AGTPBP1: variants seen among roughly 807,000 people sequenced by gnomAD.
AGTPBP1 encodes the protein ATP/GTP binding carboxypeptidase 1, also known as cytosolic carboxypeptidase 1.
In AGTPBP1, 70 loss-of-function variants were observed where a neutral mutation model predicts 143.9. The observed-to-expected ratio is 0.49, with a 90% CI of 0.40 to 0.59. The LOEUF is 0.59. AGTPBP1 is among the 20% of genes least tolerant of loss of function. AGTPBP1 has a pLI of 0.00. For missense variants in AGTPBP1, 1,229 were observed against 1,464.5 expected, an observed-to-expected ratio of 0.84 and a Z score of 2.62; for synonymous variants, 463 against 500.2, an observed-to-expected ratio of 0.93 and a Z score of 0.99.
intron 25 of AGTPBP1, 53 bp downstream of exon 25, chr9:85,575,262 G>A: frequency 7.3e-7 from 1 of 1,363,824 alleles, no homozygotes; most frequent in Non-Finnish European, 9.7e-7. Flanking sequence ...CTATTTTAAT[G>A]AAGTCTAATA....
At chr9:85,697,852 C>T (rs1320364840) in intron 2 of AGTPBP1, among the ~76,000 whole-genome samples, 2 of 152,086 alleles carry the variant, frequency 1.3e-5, no homozygotes, top group South Asian at 4.1e-4. Context: ...GTTCTAAAGC[C>T]AAAAAGTTTG....
chr9:85,777,660 A>C, the AGTPBP1 span, among the ~76,000 whole-genome samples: 1 of 152,208 alleles, frequency 6.6e-6, no homozygotes, highest in East Asian at 1.9e-4. Context: ...TGGGATACAA[A>C]TATCTTCACA....
At chr9:85,722,045 A>AC (rs1211091360) in intron 1 of AGTPBP1, among the ~76,000 whole-genome samples, 1 of 152,150 alleles carries the variant, frequency 6.6e-6, no homozygotes, top group Non-Finnish European at 1.5e-5. Context: ...ATCCACTGTT[A>AC]GTCTGATGGG....
chr9:85,715,871 T>A (rs1346482036), intron 1 of AGTPBP1, among the ~76,000 whole-genome samples: 2 of 152,164 alleles, frequency 1.3e-5, no homozygotes, highest in African/African-American at 4.8e-5. Context: ...TGAGAATGTA[T>A]GAAAAAAAGT....
intron 24 of AGTPBP1, among the ~76,000 whole-genome samples, chr9:85,576,197 A>G (rs866491826): frequency 6.6e-6 from 1 of 152,316 alleles, no homozygotes; most frequent in Middle Eastern, 3.4e-3. Flanking sequence ...ACAAATTAAT[A>G]TACTCCTTCT....
chr9:85,647,424 G>A (rs574310380), intron 11 of AGTPBP1, among the ~76,000 whole-genome samples: 1 of 152,116 alleles, frequency 6.6e-6, no homozygotes, highest in Non-Finnish European at 1.5e-5. Context: ...GAGCAGAAAG[G>A]AGTAAACATG....
the AGTPBP1 span, among the ~76,000 whole-genome samples, chr9:85,805,142 A>G: frequency 2.0e-5 from 3 of 152,082 alleles, no homozygotes. Flanking sequence ...CCCTTTCTCC[A>G]GCAGGTGGTT....
chr9:85,722,758 G>GT (rs1489897623), intron 1 of AGTPBP1, among the ~76,000 whole-genome samples: 1 of 152,082 alleles, frequency 6.6e-6, no homozygotes, highest in Non-Finnish European at 1.5e-5. Flanking sequence ...AGGTGCTCTG[G>GT]TTTTTTGAAC....
At chr9:85,773,605 T>C in the AGTPBP1 span, among the ~76,000 whole-genome samples, 4 of 151,896 alleles carry the variant, frequency 2.6e-5, no homozygotes, top group African/African-American at 7.3e-5. Flanking sequence ...CCCAAACTGC[T>C]AGGACTACAG....
At chr9:85,781,199 T>A in the AGTPBP1 span, 1 of 1,486,044 alleles carries the variant, frequency 6.7e-7, no homozygotes, top group South Asian at 1.4e-5. Context: ...TTTTGTTGTA[T>A]AGAACAAGAT....
rs371786259 is a variant in AGTPBP1, at chr9:85,598,234, G to T, written c.2336-1785C>A. 1.1e-4 allele frequency among the ~76,000 whole-genome samples: 16 copies of T among 151,354 alleles called. No homozygotes were observed. In the South Asian group the frequency reaches 3.3e-3, roughly 32 times the overall value. ...CTTTATCATGTTATATCATTTCTTA[G>T]AATCCAGTCCACTTTTTTTAAAGTG... On this transcript the variant is annotated intron_variant, in intron 17 of 25. Transcript: ENST00000357081.
rs908256294 is a variant in AGTPBP1, at chr9:85,548,583, T to C, written c.3504-1297A>G. Among the ~76,000 whole-genome samples, 4 of 152,118 alleles carry C rather than the reference T, an allele frequency of 2.6e-5. No individual in the cohort carries two copies. The East Asian group carries it at 5.8e-4, about 22-fold the overall frequency. ...AGGAGAACAATTTCACAGTTTTTAA[T>C]TTGCAACTAAAATATTTAGTATGAA... On this transcript the variant is annotated intron_variant, in intron 25 of 25. Transcript: ENST00000357081.
intron 1 of AGTPBP1, chr9:85,741,223 C>A: frequency 1.0e-6 from 1 of 985,458 alleles, no homozygotes; most frequent in Non-Finnish European, 1.2e-6. Flanking sequence ...TCAAACCACC[C>A]AGCGAGAGGA....
chr9:85,694,068 G>C (rs1265516750), intron 2 of AGTPBP1, among the ~76,000 whole-genome samples: 2 of 139,442 alleles, frequency 1.4e-5, no homozygotes, highest in Admixed American at 1.5e-4. Flanking sequence ...GGAGAGAACA[G>C]AGAAAAATAG....
Position 85,633,304 on chromosome 9 carries a change from A to G in AGTPBP1, c.1373T>C (p.Val458Ala), listed in dbSNP as rs778036367. ...FEGKVRGPIVVPTAGEETSGN... is the reference protein window; with the variant it reads ...FEGKVRGPIVAPTAGEETSGN... ...AGATGTTTCCTCGCCTGCCGTAGGA[A>G]CAACAATAGGACCACGTACTTTTCC... is the stretch of plus-strand genomic sequence containing the variant. The change falls in exon 14 of 26, where the codon GTT becomes GCT. Residue 458 changes from valine (V) to alanine (A), a missense_variant. Coordinates refer to ENST00000357081, the MANE Select transcript of AGTPBP1 (RefSeq NM_001330701.2). 2.5e-5 allele frequency: 40 copies of G among 1,613,704 alleles called. No individual in the cohort carries two copies. In the South Asian group the frequency reaches 4.2e-4, roughly 17 times the overall value.
intron 3 of AGTPBP1, among the ~76,000 whole-genome samples, chr9:85,682,680 G>A (rs181764329): frequency 6.6e-6 from 1 of 152,254 alleles, no homozygotes; most frequent in Admixed American, 6.5e-5. Context: ...CAAATTCAAT[G>A]TTCCACATGG....
the AGTPBP1 span, among the ~76,000 whole-genome samples, chr9:85,795,855 AGT>A: frequency 1.2e-5 from 1 of 82,174 alleles, no homozygotes; most frequent in African/African-American, 5.4e-5. Flanking sequence ...TCTTCTTCTT[AGT>A]TTTTTTTTTT....
chr9:85,702,025 C>T (rs183762038), intron 2 of AGTPBP1, among the ~76,000 whole-genome samples: 1 of 152,286 alleles, frequency 6.6e-6, no homozygotes, highest in East Asian at 1.9e-4. Context: ...TACCTAGCTA[C>T]CCAAAAGACT....
chr9:85,785,535 G>A, the AGTPBP1 span, among the ~76,000 whole-genome samples: 3 of 152,084 alleles, frequency 2.0e-5, no homozygotes, highest in Admixed American at 2.0e-4. Context: ...AATTCCAGTG[G>A]GGTGTCCCCA....
Sources: gnomAD v4.1 joint callset for allele counts (sites outside exome capture counted in the v4.1 genomes callset) on GRCh38, gnomAD v4.1.1 for gene constraint, MANE v1.5 for transcripts, NCBI Gene and HGNC (gene_info 2026-07-23, HGNC 2026-07-21) for gene names.